Variants in TPTE2 observed in about 807,000 individuals in gnomAD.
TPTE2 encodes the protein transmembrane phosphoinositide 3-phosphatase and tensin homolog 2.
In TPTE2, 53 loss-of-function variants were observed where a neutral mutation model predicts 78.6. That is an observed-to-expected ratio of 0.67 (90% CI 0.54 to 0.85). The LOEUF (loss-of-function observed/expected upper bound fraction) is 0.85. TPTE2 is among the 40% of genes least tolerant of loss of function. TPTE2 has a pLI of 0.00. For missense variants in TPTE2, 461 were observed against 623.0 expected, an observed-to-expected ratio of 0.74 and a Z score of 2.77; for synonymous variants, 175 against 206.2, an observed-to-expected ratio of 0.85 and a Z score of 1.30.
intron 1 of TPTE2, among the ~76,000 whole-genome samples, chr13:19,525,703 A>C (rs148055194): frequency 0.025 from 3,860 of 152,288 alleles, 131 homozygotes; most frequent in African/African-American, 0.075. Flanking sequence ...AGTGGAACCT[A>C]ATTAAAGAGC....
At chr13:19,449,879 C>A (rs534885040) in intron 13 of TPTE2, among the ~76,000 whole-genome samples, 197 bp downstream of exon 16, 243 of 152,254 alleles carry the variant, frequency 1.6e-3, no homozygotes, top group African/African-American at 5.6e-3. Flanking sequence ...TTCTTCCATT[C>A]CTTATCCTCT....
intron 6 of TPTE2, among the ~76,000 whole-genome samples, chr13:19,469,796 G>C (rs1476240613): frequency 2.0e-5 from 3 of 151,980 alleles, no homozygotes; most frequent in Non-Finnish European, 4.4e-5. Flanking sequence ...TTGCATATAG[G>C]ACCACTTTTT....
rs1566033835 is a variant in TPTE2 at position 19,426,456 on chromosome 13, TAC to T, written c.1362_1363del (p.Tyr455Ter). On this transcript the variant is annotated frameshift_variant, in exon 18 of 20. Transcript: ENST00000400230. LOFTEE classifies it high-confidence loss of function. ...GAAAAACTGCACTTTCACATCATCA[TAC>T]AGAGGTGGACCGTCATATACATTAA... 1 of 1,607,498 alleles carries T rather than the reference TAC, an allele frequency of 6.2e-7. No individual in the cohort carries two copies. The highest frequency in any genetic ancestry group is 1.1e-5 in the South Asian group (1 of 90,972).
chr13:19,553,706 C>G, the TPTE2 span, among the ~76,000 whole-genome samples: 5 of 152,166 alleles, frequency 3.3e-5, no homozygotes, highest in African/African-American at 9.7e-5. Context: ...GGAGTACATA[C>G]TGTGTGATTT....
intron 13 of TPTE2, among the ~76,000 whole-genome samples, chr13:19,443,919 G>A (rs1877661058): frequency 6.6e-6 from 1 of 151,760 alleles, no homozygotes; most frequent in South Asian, 2.1e-4. Flanking sequence ...TGACTGAAAT[G>A]GAAAAAATAC....
At chr13:19,465,359 C>T (rs754416294) in intron 8 of TPTE2, 41 bp from the exon 12 acceptor site, 1 of 1,612,976 alleles carries the variant, frequency 6.2e-7, no homozygotes, top group South Asian at 1.1e-5. Context: ...AAACATTCAT[C>T]AACATAAAAA....
intron 17 of TPTE2, among the ~76,000 whole-genome samples, chr13:19,427,601 T>C (rs181288174): frequency 1.1e-3 from 168 of 152,288 alleles, no homozygotes; most frequent in African/African-American, 3.9e-3. Context: ...ATTTAAAAAA[T>C]AACAACAGGG....
At chr13:19,440,576 C>T (rs1877421834) in intron 13 of TPTE2, among the ~76,000 whole-genome samples, 1 of 152,052 alleles carries the variant, frequency 6.6e-6, no homozygotes, top group African/African-American at 2.4e-5. Flanking sequence ...TCAAGACCAG[C>T]CTGGCCAACA....
chr13:19,515,206 G>A (rs1459272337), intron 1 of TPTE2, among the ~76,000 whole-genome samples: 1 of 152,048 alleles, frequency 6.6e-6, no homozygotes, highest in Non-Finnish European at 1.5e-5. Context: ...CTTTTCAAAC[G>A]TTTAAATAAG....
intron 13 of TPTE2, among the ~76,000 whole-genome samples, chr13:19,447,375 T>A (rs949980995): frequency 2.6e-5 from 4 of 152,228 alleles, no homozygotes; most frequent in African/African-American, 7.2e-5. Context: ...ACTTCTTTAA[T>A]AATAACATTT....
chr13:19,539,306 G>C (rs1321841387), upstream of TPTE2, among the ~76,000 whole-genome samples: 2 of 152,224 alleles, frequency 1.3e-5, no homozygotes, highest in Admixed American at 1.3e-4. Flanking sequence ...TGAAGTGGGA[G>C]GGACCTGATG....
chr13:19,528,231 T>A (rs542990339), intron 1 of TPTE2, among the ~76,000 whole-genome samples: 2 of 150,512 alleles, frequency 1.3e-5, no homozygotes, highest in South Asian at 2.1e-4. Flanking sequence ...AAAAAAAATA[T>A]AAAAAATTAG....
upstream of TPTE2, among the ~76,000 whole-genome samples, chr13:19,539,673 C>A (rs1191060599): frequency 6.6e-6 from 1 of 152,128 alleles, no homozygotes; most frequent in Non-Finnish European, 1.5e-5. Flanking sequence ...TTCCACCAGT[C>A]CATTTAACTA....
chr13:19,472,925 C>T (rs1879713403), intron 6 of TPTE2, among the ~76,000 whole-genome samples: 1 of 152,190 alleles, frequency 6.6e-6, no homozygotes, highest in Non-Finnish European at 1.5e-5. Flanking sequence ...GCACCCCAAG[C>T]CTCCTAAACT....
At chr13:19,477,226 GGAGA>G (rs1270651757) in intron 4 of TPTE2, among the ~76,000 whole-genome samples, 1 of 151,770 alleles carries the variant, frequency 6.6e-6, no homozygotes, top group Non-Finnish European at 1.5e-5. Flanking sequence ...GAGGGTAGGA[GGAGA>G]GAGAGGAGCA....
rs760161349 is a variant in TPTE2, at chr13:19,426,388, C to T, written c.1395+37G>A. On this transcript the variant is annotated intron_variant, in intron 18 of 19. Transcript: ENST00000400230. ...TCTGAAATAAAATCATTAGACCAGA[C>T]AAGAACAATGGCAGAGGCTATTTTG... is the stretch of plus-strand genomic sequence containing the variant. 2.9e-5 allele frequency: 41 copies of T among 1,408,760 alleles called. No homozygotes were observed. The Admixed American group carries it at 5.7e-4, about 20-fold the overall frequency. 87.3% of individuals were successfully genotyped at this position (1,408,760 alleles called of 1,614,324 possible).
chr13:19,469,287 G>T (rs1879464946), intron 6 of TPTE2, among the ~76,000 whole-genome samples: 1 of 152,054 alleles, frequency 6.6e-6, no homozygotes, highest in Admixed American at 6.6e-5. Context: ...GACGTCTTTT[G>T]TTCAATGTAT....
chr13:19,496,195 C>T (rs1881300557), intron 1 of TPTE2, among the ~76,000 whole-genome samples: 1 of 152,148 alleles, frequency 6.6e-6, no homozygotes, highest in African/African-American at 2.4e-5. Context: ...TGTAAATTGC[C>T]TTACCCTTAC....
chr13:19,494,490 C>T (rs1416320110), intron 1 of TPTE2, among the ~76,000 whole-genome samples: 1 of 152,184 alleles, frequency 6.6e-6, no homozygotes, highest in African/African-American at 2.4e-5. Context: ...TCACTGCAAA[C>T]TCCACTTCCC....
Sources: gnomAD v4.1 joint callset for allele counts (sites outside exome capture counted in the v4.1 genomes callset) on GRCh38, gnomAD v4.1.1 for gene constraint, MANE v1.5 for transcripts, NCBI Gene and HGNC (gene_info 2026-07-23, HGNC 2026-07-21) for gene names.